GALNT18: variants seen among roughly 807,000 people sequenced by gnomAD.
The protein encoded by GALNT18 is polypeptide N-acetylgalactosaminyltransferase 18.
Under a neutral mutation model 69.5 loss-of-function variants are expected in GALNT18, and 44 were observed. The ratio of observed to expected loss-of-function variants is 0.63; its 90% confidence interval spans 0.50 to 0.81. The LOEUF is 0.81. GALNT18 is among the 40% of genes least tolerant of loss of function. The pLI, the probability that GALNT18 is intolerant of heterozygous loss-of-function variation, is 0.00. For missense variants in GALNT18, 715 were observed against 810.0 expected, an observed-to-expected ratio of 0.88 and a Z score of 1.42; for synonymous variants, 364 against 318.2, an observed-to-expected ratio of 1.14 and a Z score of -1.53.
Position 11,564,620 on chromosome 11 carries a change from C to T in GALNT18, c.235+56739G>A, listed in dbSNP as rs1858598500. On this transcript the variant is annotated intron_variant, in intron 1 of 10. Transcript: ENST00000227756. The surrounding 1 kb of genome is among the most constrained non-coding windows in gnomAD (Gnocchi z 4.3). The stretch of plus-strand genomic sequence containing the variant: ...ATGCAGGCAGCCCCCAATTCCAGAA[C>T]AAATTGGTAGCTAATGATGTTGGTT... 6.6e-6 allele frequency among the ~76,000 whole-genome samples: 1 copy of T among 152,156 alleles called. No individual in the cohort carries two copies. The highest frequency in any genetic ancestry group is 1.5e-5 in the Non-Finnish European group (1 of 68,036).
Position 11,590,973 on chromosome 11 carries a change from CTTCT to C in GALNT18, c.235+30382_235+30385del, listed in dbSNP as rs1271519287. 6.6e-6 allele frequency among the ~76,000 whole-genome samples: 1 copy of C among 151,768 alleles called. No individual in the cohort carries two copies. The highest frequency in any genetic ancestry group is 1.5e-5 in the Non-Finnish European group (1 of 67,962). On this transcript the variant is annotated intron_variant, in intron 1 of 10. Transcript: ENST00000227756. The surrounding 1 kb of genome is among the most constrained non-coding windows in gnomAD (Gnocchi z 4.4). ...TTTACTATTATTTTAGAATATATTCCTTCTACTTAATTTTTTTTAAGTTAACTGT... is the reference window on the plus strand; with the variant it reads ...TTTACTATTATTTTAGAATATATTCCACTTAATTTTTTTTAAGTTAACTGT...
At chr11:11,427,835 T>G (rs2133786704) in intron 3 of GALNT18, among the ~76,000 whole-genome samples, 1 of 152,298 alleles carries the variant, frequency 6.6e-6, no homozygotes, top group East Asian at 1.9e-4. Context: ...ACAGGGAACT[T>G]TCACTCCGAT....
At position 11,444,676 on chromosome 11, in the gene GALNT18, G is replaced by A. The variant is rs1208838636; in HGVS notation, c.428+4068C>T. Among the ~76,000 whole-genome samples, 1 of 152,166 alleles carries A rather than the reference G, an allele frequency of 6.6e-6. No homozygotes were observed. The highest frequency in any genetic ancestry group is 1.5e-5 in the Non-Finnish European group (1 of 68,036). ...AAGAAAAAAAGGAGACAAAGTAAGT[G>A]ACTAGCTAGAGGTGAGAGAAAGGAG... is the stretch of plus-strand genomic sequence containing the variant. On this transcript the variant is annotated intron_variant, in intron 2 of 10. Transcript: ENST00000227756. This position sits in a 1 kb window ranked among gnomAD's most constrained non-coding sequence, Gnocchi z 4.4.
chr11:11,348,890 T>C (rs1850350932), intron 6 of GALNT18, among the ~76,000 whole-genome samples: 1 of 152,248 alleles, frequency 6.6e-6, no homozygotes, highest in Non-Finnish European at 1.5e-5. Flanking sequence ...TCTGTGTGTG[T>C]GTGCAGCTTA....
chr11:11,366,706 C>T (rs1850777944), intron 6 of GALNT18, among the ~76,000 whole-genome samples: 2 of 152,106 alleles, frequency 1.3e-5, no homozygotes. Context: ...CAGACAAAGC[C>T]AGTGTAGGGG....
At chr11:11,445,482 C>A (rs984945349) in intron 2 of GALNT18, among the ~76,000 whole-genome samples, 3 of 152,152 alleles carry the variant, frequency 2.0e-5, no homozygotes, top group Non-Finnish European at 4.4e-5. Flanking sequence ...GAAGGATGAG[C>A]CAAGCAATGG....
rs929122249 is a variant in GALNT18, at chr11:11,389,840, T to C, written c.596-10576A>G. Among the ~76,000 whole-genome samples, 1 of 152,160 alleles carries C rather than the reference T, an allele frequency of 6.6e-6. No individual in the cohort carries two copies. Among genetic ancestry groups the C allele is most frequent in the African/African-American group, 2.4e-5 (1 of 41,452 alleles). On this transcript the variant is annotated intron_variant, in intron 3 of 10. Coordinates refer to ENST00000227756, the MANE Select transcript of GALNT18 (RefSeq NM_198516.3). The surrounding 1 kb of genome is among the most constrained non-coding windows in gnomAD (Gnocchi z 4.3). ...CCCAGGTCCAGGTCCTCCTGCCCTA[T>C]GTGTGAGCACTCAGGAAGGTCCAGT...
At chr11:11,452,458 C>T (rs559854836) in intron 1 of GALNT18, among the ~76,000 whole-genome samples, 1 of 152,228 alleles carries the variant, frequency 6.6e-6, no homozygotes, top group Non-Finnish European at 1.5e-5. Flanking sequence ...AGCCCACAGC[C>T]CTATCGGGCC....
At chr11:11,503,361 G>A (rs778925067) in intron 1 of GALNT18, among the ~76,000 whole-genome samples, 9 of 152,192 alleles carry the variant, frequency 5.9e-5, no homozygotes, top group Non-Finnish European at 1.2e-4. Flanking sequence ...ACGATCTGAA[G>A]GGCCTGGCTC....
intron 9 of GALNT18, among the ~76,000 whole-genome samples, chr11:11,317,669 C>G (rs1383113425): frequency 6.6e-6 from 1 of 152,144 alleles, no homozygotes; most frequent in Non-Finnish European, 1.5e-5. Flanking sequence ...TGAATATTTT[C>G]TCCCATTCCG....
rs570514231 is a variant in GALNT18, at chr11:11,607,052, G to A, written c.235+14307C>T. 3.9e-5 allele frequency among the ~76,000 whole-genome samples: 6 copies of A among 152,340 alleles called. No individual in the cohort carries two copies. The South Asian group carries it at 1.2e-3, about 32-fold the overall frequency. On this transcript the variant is annotated intron_variant, in intron 1 of 10. Transcript: ENST00000227756. ...TTCTTTGTTGATATGTGAGGAAAGA[G>A]AAAGCAACTGCACTGAGCTGCGCAA... is the stretch of plus-strand genomic sequence containing the variant.
intron 6 of GALNT18, among the ~76,000 whole-genome samples, chr11:11,343,305 G>A (rs1023723135): frequency 6.6e-6 from 1 of 152,004 alleles, no homozygotes; most frequent in African/African-American, 2.4e-5. Flanking sequence ...CCCTGATGGT[G>A]TCACACTGCA....
intron 10 of GALNT18, among the ~76,000 whole-genome samples, chr11:11,284,077 C>T (rs1354525624): frequency 1.3e-5 from 2 of 152,184 alleles, no homozygotes; most frequent in Non-Finnish European, 2.9e-5. Context: ...CTCTGGGCTT[C>T]AGTCTTGTCA....
At chr11:11,368,652 C>A (rs1477286788) in intron 6 of GALNT18, among the ~76,000 whole-genome samples, 1 of 152,078 alleles carries the variant, frequency 6.6e-6, no homozygotes, top group East Asian at 1.9e-4. Flanking sequence ...GAGCTTTTGT[C>A]TTTCTTACAT....
chr11:11,605,364 G>C lies in GALNT18; in HGVS notation c.235+15995C>G, dbSNP rs1164319429. Reference sequence around the variant, plus strand: ...CTGATCTCCGGGTTGCCCTCTCTCAGCTCCCTCTCCTCACTGCAGACCTTT... The same window carrying C: ...CTGATCTCCGGGTTGCCCTCTCTCACCTCCCTCTCCTCACTGCAGACCTTT... On this transcript the variant is annotated intron_variant, in intron 1 of 10. Transcript: ENST00000227756. The surrounding 1 kb of genome is among the most constrained non-coding windows in gnomAD (Gnocchi z 4.7). Among the ~76,000 whole-genome samples, 1 of 152,078 alleles carries C rather than the reference G, an allele frequency of 6.6e-6. No homozygotes were observed. Among genetic ancestry groups the C allele is most frequent in the African/African-American group, 2.4e-5 (1 of 41,424 alleles).
At chr11:11,350,570 G>T (rs1228922181) in intron 6 of GALNT18, among the ~76,000 whole-genome samples, 1 of 152,260 alleles carries the variant, frequency 6.6e-6, no homozygotes, top group Non-Finnish European at 1.5e-5. Context: ...GTCTCCAAAG[G>T]TGTGGCAGAG....
In GALNT18 at chr11:11,618,044, T is replaced by C. The variant is rs2133974676; in HGVS notation, c.235+3315A>G. On this transcript the variant is annotated intron_variant, in intron 1 of 10. Coordinates refer to ENST00000227756, the MANE Select transcript of GALNT18 (RefSeq NM_198516.3). The surrounding 1 kb of genome is among the most constrained non-coding windows in gnomAD (Gnocchi z 6.1). ...TCCCAAACACCATCTAATTAAATCA[T>C]TCAATCAGAAAACAAATTAAAATGA... Among the ~76,000 whole-genome samples the C allele has an allele frequency of 6.6e-6, 1 of 152,352 alleles. No homozygotes were observed. Among genetic ancestry groups the C allele is most frequent in the East Asian group, 1.9e-4 (1 of 5,180 alleles).
At position 11,318,008 on chromosome 11, in the gene GALNT18, G is replaced by A. The variant is rs1446828381; in HGVS notation, c.1512+9078C>T. On this transcript the variant is annotated intron_variant, in intron 9 of 10. Transcript: ENST00000227756. This position sits in a 1 kb window ranked among gnomAD's most constrained non-coding sequence, Gnocchi z 5.1. ...TTTCTTATTTGTCAGAGATGACATTGACTTAGAAAATATCTAAGTTTTTGT... is the reference window on the plus strand; with the variant it reads ...TTTCTTATTTGTCAGAGATGACATTAACTTAGAAAATATCTAAGTTTTTGT... 6.6e-6 allele frequency among the ~76,000 whole-genome samples: 1 copy of A among 152,180 alleles called. No homozygotes were observed. Among genetic ancestry groups the A allele is most frequent in the Non-Finnish European group, 1.5e-5 (1 of 68,028 alleles).
In GALNT18 at chr11:11,591,018, A is replaced by T. The variant is rs1034786895; in HGVS notation, c.235+30341T>A. Among the ~76,000 whole-genome samples, 4 of 152,132 alleles carry T rather than the reference A, an allele frequency of 2.6e-5. No individual in the cohort carries two copies. The highest frequency in any genetic ancestry group is 5.9e-5 in the Non-Finnish European group (4 of 68,024). On this transcript the variant is annotated intron_variant, in intron 1 of 10. Transcript: ENST00000227756. This position sits in a 1 kb window ranked among gnomAD's most constrained non-coding sequence, Gnocchi z 4.8. ...AGTTAACTGTAAGACAGTCTCAGGTAGGTCCTTCCTGAGATATTCCAGAAG... is the reference window on the plus strand; with the variant it reads ...AGTTAACTGTAAGACAGTCTCAGGTTGGTCCTTCCTGAGATATTCCAGAAG...
Sources: gnomAD v4.1 joint callset for allele counts (sites outside exome capture counted in the v4.1 genomes callset) on GRCh38, gnomAD v4.1.1 for gene constraint, Gnocchi (gnomAD v3.1) non-coding constraint, MANE v1.5 for transcripts, NCBI Gene and HGNC (gene_info 2026-07-23, HGNC 2026-07-21) for gene names.